RASA1: variants seen among roughly 807,000 people sequenced by gnomAD.
The protein encoded by RASA1 is ras GTPase-activating protein 1.
In RASA1, 25 loss-of-function variants were observed where a neutral mutation model predicts 132.2. That is an observed-to-expected ratio of 0.19 (90% CI 0.14 to 0.26). The LOEUF (loss-of-function observed/expected upper bound fraction) is 0.26. Among genes scored for constraint, RASA1 ranks in the 10% least tolerant of loss-of-function variants. The probability of loss-of-function intolerance (pLI) is 1.00; values close to 1 mark genes in which losing one functional copy is unlikely to be tolerated. For synonymous variants in RASA1, 477 were observed against 449.9 expected (o/e 1.06, Z -0.76); for missense variants, 964 against 1,299.2 (o/e 0.74, Z 3.97).
At chr5:87,353,275 T>A in intron 9 of RASA1, 40 bp downstream of exon 9, 3 of 1,461,580 alleles carry the variant, frequency 2.1e-6, no homozygotes, top group Non-Finnish European at 2.9e-6. Flanking sequence ...TAGCATTTTA[T>A]TTTAAAATGC....
At chr5:87,284,042 C>G (rs1411554591) in intron 1 of RASA1, among the ~76,000 whole-genome samples, 2 of 152,078 alleles carry the variant, frequency 1.3e-5, no homozygotes, top group Non-Finnish European at 2.9e-5. Context: ...AAGGCCTTTT[C>G]TTTTTGACAG....
At chr5:87,303,639 CTGAA>C (rs964429280) in intron 1 of RASA1, among the ~76,000 whole-genome samples, 3 of 151,950 alleles carry the variant, frequency 2.0e-5, no homozygotes, top group African/African-American at 7.2e-5. Context: ...AGAACATACT[CTGAA>C]TGAATTCAGT....
intron 1 of RASA1, among the ~76,000 whole-genome samples, chr5:87,287,394 A>G (rs544606777): frequency 6.8e-6 from 1 of 147,954 alleles, no homozygotes; most frequent in East Asian, 2.0e-4. Flanking sequence ...CCATATATAT[A>G]CCATATATAC....
At chr5:87,308,772 A>T (rs2112299879) in intron 1 of RASA1, among the ~76,000 whole-genome samples, 1 of 152,332 alleles carries the variant, frequency 6.6e-6, no homozygotes, top group African/African-American at 2.4e-5. Flanking sequence ...GTTTAGATAC[A>T]CAAATACCAC....
At chr5:87,355,986 C>T (rs1176764809) in intron 9 of RASA1, among the ~76,000 whole-genome samples, 5 of 152,114 alleles carry the variant, frequency 3.3e-5, no homozygotes, top group African/African-American at 7.2e-5. Context: ...GAAACTGGAG[C>T]GAAAGAGGAG....
intron 22 of RASA1, among the ~76,000 whole-genome samples, chr5:87,385,642 T>C (rs564181944): frequency 2.0e-5 from 3 of 152,236 alleles, no homozygotes; most frequent in East Asian, 3.9e-4. Flanking sequence ...TCTCCCACTT[T>C]TAAACATAAT....
chr5:87,353,299 G>GT (rs1759416770), intron 9 of RASA1, 64 bp downstream of exon 9: 1 of 1,276,502 alleles, frequency 7.8e-7, no homozygotes. Context: ...TTGGTGGTAT[G>GT]TTTTTGCACA....
chr5:87,362,488 T>C, intron 9 of RASA1, 63 bp from the exon 10 acceptor site: 1 of 1,508,210 alleles, frequency 6.6e-7, no homozygotes, highest in Non-Finnish European at 9.2e-7. Context: ...GGTACTTTTA[T>C]AGATTTTTAC....
chr5:87,328,825 G>A (rs1226698102), intron 1 of RASA1, among the ~76,000 whole-genome samples: 5 of 152,100 alleles, frequency 3.3e-5, no homozygotes, highest in African/African-American at 1.2e-4. Flanking sequence ...GTGTTTAAAG[G>A]TTATATAGTA....
chr5:87,295,284 A>G (rs1341363883), intron 1 of RASA1, among the ~76,000 whole-genome samples: 2 of 151,976 alleles, frequency 1.3e-5, no homozygotes, highest in African/African-American at 2.4e-5. Context: ...TTTTTGGTCT[A>G]CTTTGACAGT....
intron 1 of RASA1, among the ~76,000 whole-genome samples, chr5:87,271,924 C>T (rs980556339): frequency 6.6e-6 from 1 of 151,336 alleles, no homozygotes; most frequent in Non-Finnish European, 1.5e-5. Context: ...GAGGCCAAGG[C>T]GAGTGGATCA....
intron 7 of RASA1, among the ~76,000 whole-genome samples, chr5:87,348,851 T>C (rs1343854581): frequency 6.6e-6 from 1 of 151,982 alleles, no homozygotes; most frequent in African/African-American, 2.4e-5. Flanking sequence ...ATCTTCTTAT[T>C]ACGAAGATTT....
chr5:87,327,995 C>T (rs1031202794), intron 1 of RASA1, among the ~76,000 whole-genome samples: 1 of 151,498 alleles, frequency 6.6e-6, no homozygotes, highest in African/African-American at 2.4e-5. Context: ...GAGAGAACTT[C>T]CTATGTGGAC....
chr5:87,389,300 C>T, intron 23 of RASA1, 93 bp from the exon 24 acceptor site: 2 of 1,509,732 alleles, frequency 1.3e-6, no homozygotes, highest in South Asian at 1.1e-5. Context: ...CATTGCATTT[C>T]AGCCTGGGCA....
intron 22 of RASA1, 45 bp from the exon 23 acceptor site, chr5:87,386,781 G>A: frequency 6.5e-7 from 1 of 1,528,078 alleles, no homozygotes; most frequent in Non-Finnish European, 9.1e-7. Flanking sequence ...AGATCAAACA[G>A]TGGTTTGTTT....
At chr5:87,269,085 G>T in intron 1 of RASA1, 95 bp downstream of exon 1, 1 of 1,613,844 alleles carries the variant, frequency 6.2e-7, no homozygotes, top group African/African-American at 1.3e-5. Context: ...TTTCATCTGT[G>T]GTTTGTTAGG....
At chr5:87,270,112 C>T (rs947048221) in intron 1 of RASA1, among the ~76,000 whole-genome samples, 1 of 151,390 alleles carries the variant, frequency 6.6e-6, no homozygotes, top group South Asian at 2.1e-4. Flanking sequence ...CGCGGTGGCA[C>T]GCGCCTATAA....
intron 7 of RASA1, 22 bp downstream of exon 7, chr5:87,346,746 T>C: frequency 3.4e-6 from 5 of 1,489,464 alleles, no homozygotes; most frequent in Non-Finnish European, 3.7e-6. Flanking sequence ...TTTACTTGCT[T>C]TTCTAATGTC....
At chr5:87,338,533 A>AT (rs1491365794) in intron 5 of RASA1, among the ~76,000 whole-genome samples, 22,327 of 89,352 alleles carry the variant, frequency 0.25, 3,690 homozygotes, top group Middle Eastern at 0.3. Context: ...ATATATATAT[A>AT]AAATTTTTTT....
Sources: gnomAD v4.1 joint callset for allele counts (sites outside exome capture counted in the v4.1 genomes callset) on GRCh38, gnomAD v4.1.1 for gene constraint, MANE v1.5 for transcripts, NCBI Gene and HGNC (gene_info 2026-07-23, HGNC 2026-07-21) for gene names.